Variants in RBFOX1 observed in about 807,000 individuals in gnomAD.
RBFOX1 encodes the protein RNA binding protein fox-1 homolog 1.
RBFOX1 carries 8 observed loss-of-function variants against 57.7 expected under a neutral mutation model. The ratio of observed to expected loss-of-function variants is 0.14; its 90% CI spans 0.08 to 0.25. RBFOX1 has a LOEUF of 0.25. Among genes scored for constraint, RBFOX1 ranks in the 10% least tolerant of loss-of-function variants. The pLI is 1.00. For missense variants in RBFOX1, 611 were observed against 548.5 expected, an observed-to-expected ratio of 1.11 and a Z score of -1.14; for synonymous variants, 326 against 222.4, an observed-to-expected ratio of 1.47 and a Z score of -4.15.
At chr16:7,506,848 G>A (rs1478770526) in intron 4 of RBFOX1, among the ~76,000 whole-genome samples, 1 of 152,188 alleles carries the variant, frequency 6.6e-6, no homozygotes, top group Non-Finnish European at 1.5e-5. Context: ...ACTGAAGTAG[G>A]TTAGAGTCCA....
intron 4 of RBFOX1, among the ~76,000 whole-genome samples, chr16:5,945,741 C>T (rs2059388628): frequency 6.6e-6 from 1 of 152,214 alleles, no homozygotes; most frequent in African/African-American, 2.4e-5. Flanking sequence ...CATCACCACC[C>T]CTGACTTTGC....
intron 1 of RBFOX1, among the ~76,000 whole-genome samples, chr16:6,300,627 C>G (rs1479867058): frequency 2.0e-5 from 3 of 152,192 alleles, no homozygotes; most frequent in Non-Finnish European, 4.4e-5. Flanking sequence ...CAATTTCCCT[C>G]AATATCTTTC....
At chr16:6,869,121 C>T (rs2060435922) in intron 3 of RBFOX1, among the ~76,000 whole-genome samples, 1 of 152,162 alleles carries the variant, frequency 6.6e-6, no homozygotes, top group Admixed American at 6.5e-5. Context: ...CATTGTGTTG[C>T]CCATACTGGC....
chr16:5,269,225 G>A (rs1045375573), intron 1 of RBFOX1, among the ~76,000 whole-genome samples: 2 of 152,138 alleles, frequency 1.3e-5, no homozygotes, highest in African/African-American at 4.8e-5. Flanking sequence ...CCAATTTTCT[G>A]TATCTTCAAT....
At chr16:7,232,201 T>C (rs2093539411) in intron 4 of RBFOX1, among the ~76,000 whole-genome samples, 1 of 152,128 alleles carries the variant, frequency 6.6e-6, no homozygotes, top group African/African-American at 2.4e-5. Context: ...TTTTTGTATT[T>C]TTATGAGAGA....
intron 4 of RBFOX1, among the ~76,000 whole-genome samples, chr16:7,354,827 T>TAGC (rs1353389484): frequency 3.9e-5 from 6 of 152,218 alleles, no homozygotes; most frequent in African/African-American, 1.4e-4. Context: ...TTGGTTGTAC[T>TAGC]AGACAGTATG....
intron 4 of RBFOX1, among the ~76,000 whole-genome samples, chr16:5,875,846 C>CT (rs753084238): frequency 0.035 from 4,934 of 141,324 alleles, 95 homozygotes; most frequent in Middle Eastern, 0.055. Flanking sequence ...AAGAATCCCA[C>CT]TTTTTTTTTT....
At chr16:7,088,766 G>C (rs866699594) in intron 4 of RBFOX1, among the ~76,000 whole-genome samples, 25 of 152,192 alleles carry the variant, frequency 1.6e-4, no homozygotes, top group African/African-American at 5.8e-4. Flanking sequence ...CAAAGTCCTT[G>C]CTCTGTGATT....
chr16:6,180,468 T>C (rs1421062103), intron 1 of RBFOX1, among the ~76,000 whole-genome samples: 1 of 152,162 alleles, frequency 6.6e-6, no homozygotes, highest in African/African-American at 2.4e-5. Flanking sequence ...TTGGTAGTAA[T>C]GTCCCCTCTT....
At chr16:5,782,290 C>T (rs2054348540) in intron 3 of RBFOX1, among the ~76,000 whole-genome samples, 1 of 152,180 alleles carries the variant, frequency 6.6e-6, no homozygotes, top group South Asian at 2.1e-4. Context: ...GATGAGGTCC[C>T]AGTCTGCATT....
In RBFOX1 at chr16:7,367,648, C is replaced by T. The variant is rs564800908; in HGVS notation, c.28-150499C>T. On this transcript the variant is annotated intron_variant, in intron 4 of 15. Coordinates refer to ENST00000550418, the MANE Select transcript of RBFOX1 (RefSeq NM_018723.4). Reference sequence around the variant, plus strand: ...TTCTGTATATGTGCATCAGTCAGTTCAATGGGAATAGTGGAGAAACAGAGA... The same window carrying T: ...TTCTGTATATGTGCATCAGTCAGTTTAATGGGAATAGTGGAGAAACAGAGA... Among the ~76,000 whole-genome samples the T allele has an allele frequency of 3.5e-4, 54 of 152,228 alleles. 1 individual carries two copies. Among genetic ancestry groups the T allele is most frequent in the African/African-American group, 1.1e-3 (47 of 41,540 alleles).
At chr16:5,995,334 C>T (rs938738035) in intron 4 of RBFOX1, among the ~76,000 whole-genome samples, 5 of 152,076 alleles carry the variant, frequency 3.3e-5, no homozygotes, top group African/African-American at 9.7e-5. Flanking sequence ...GAAATAAATA[C>T]CTGAATAGGG....
intron 3 of RBFOX1, among the ~76,000 whole-genome samples, chr16:5,734,291 G>A (rs6500715): frequency 2.0e-5 from 3 of 151,384 alleles, no homozygotes; most frequent in Middle Eastern, 3.2e-3. Context: ...GAGACCCCAC[G>A]TCTACACAAA....
intron 14 of RBFOX1, among the ~76,000 whole-genome samples, chr16:7,706,931 C>T (rs1181640710): frequency 6.6e-6 from 1 of 152,172 alleles, no homozygotes; most frequent in Non-Finnish European, 1.5e-5. Context: ...TTTAACACAT[C>T]TGCCCTTGGA....
chr16:7,004,200 TAAG>T (rs2093096535), intron 3 of RBFOX1: 1 of 152,146 alleles, frequency 6.6e-6, no homozygotes, highest in African/African-American at 2.4e-5. Context: ...CTGTAATGCA[TAAG>T]AAGCATCTTA....
intron 4 of RBFOX1, among the ~76,000 whole-genome samples, chr16:7,427,170 C>T (rs77652792): frequency 4.1e-4 from 62 of 152,150 alleles, no homozygotes; most frequent in African/African-American, 1.2e-3. Flanking sequence ...ATGTAAATGA[C>T]GAGTTAATGG....
At chr16:6,210,448 G>T (rs1216714466) in intron 1 of RBFOX1, among the ~76,000 whole-genome samples, 2 of 151,260 alleles carry the variant, frequency 1.3e-5, no homozygotes, top group Middle Eastern at 3.5e-3. Context: ...CTTACAAAGG[G>T]ATCAGACACA....
chr16:6,677,514 C>T (rs1345835477), intron 3 of RBFOX1, among the ~76,000 whole-genome samples: 1 of 152,082 alleles, frequency 6.6e-6, no homozygotes, highest in Non-Finnish European at 1.5e-5. Flanking sequence ...TTAAGAATTC[C>T]ATATCAAAAA....
chr16:5,971,952 C>A (rs567278776), intron 4 of RBFOX1, among the ~76,000 whole-genome samples: 1 of 152,208 alleles, frequency 6.6e-6, no homozygotes, highest in African/African-American at 2.4e-5. Flanking sequence ...AAAAACTGAG[C>A]TCCCCTGCAT....
Sources: gnomAD v4.1 joint callset for allele counts (sites outside exome capture counted in the v4.1 genomes callset) on GRCh38, gnomAD v4.1.1 for gene constraint, MANE v1.5 for transcripts, NCBI Gene and HGNC (gene_info 2026-07-23, HGNC 2026-07-21) for gene names.